Variants in CCDC68 observed in about 807,000 individuals in gnomAD.
CCDC68 encodes coiled-coil domain-containing protein 68.
In CCDC68, 45 loss-of-function variants were observed where a neutral mutation model predicts 47.1. The ratio of observed to expected loss-of-function variants is 0.96; its 90% CI spans 0.75 to 1.23. The LOEUF (loss-of-function observed/expected upper bound fraction) is 1.23. Among genes scored for constraint, CCDC68 ranks in the 50% most tolerant of loss-of-function variants. The probability of loss-of-function intolerance (pLI) is 0.00; values close to 1 mark genes in which losing one functional copy is unlikely to be tolerated. For missense variants in CCDC68, 353 were observed against 373.6 expected (o/e 0.94, Z 0.45); for synonymous variants, 131 against 129.5 (o/e 1.01, Z -0.08).
chr18:54,938,480 T>A (rs2044386280), intron 4 of CCDC68, among the ~76,000 whole-genome samples: 1 of 152,246 alleles, frequency 6.6e-6, no homozygotes, highest in Non-Finnish European at 1.5e-5. Flanking sequence ...TCAGACCTAA[T>A]AGTTACAATA....
Position 54,904,336 on chromosome 18 carries a change from A to G in CCDC68, c.*22T>C, listed in dbSNP as rs1298684470. On this transcript the variant is annotated 3_prime_UTR_variant, in exon 12 of 12. Coordinates refer to ENST00000591504, the MANE Select transcript of CCDC68 (RefSeq NM_025214.3). ...AATAAGACTCACGCAGTCTTTCTAA[A>G]TCAGATCTTCATCCAGCCAGTTCAT... The G allele has an allele frequency of 6.3e-7, 1 of 1,595,152 alleles. No individual in the cohort carries two copies. Among genetic ancestry groups the G allele is most frequent in the Non-Finnish European group, 8.6e-7 (1 of 1,163,012 alleles).
chr18:54,934,968 T>G lies in CCDC68; in HGVS notation c.472-20A>C, dbSNP rs1016388389. 10 of 1,551,234 alleles carry G rather than the reference T, an allele frequency of 6.4e-6. No individual in the cohort carries two copies. The highest frequency in any genetic ancestry group is 7.8e-6 in the Non-Finnish European group (9 of 1,155,760). On this transcript the variant is annotated intron_variant, in intron 6 of 11. Coordinates refer to ENST00000591504, the MANE Select transcript of CCDC68 (RefSeq NM_025214.3). The stretch of plus-strand genomic sequence containing the variant: ...GTTAACCTATGGTCAGAGAATCAGT[T>G]GTGTTGTGAAAACTCTGTTTTTCTT...
chr18:54,929,183 T>C (rs1376867979), intron 7 of CCDC68, among the ~76,000 whole-genome samples: 1 of 152,198 alleles, frequency 6.6e-6, no homozygotes, highest in African/African-American at 2.4e-5. Context: ...CTCCCCATCC[T>C]ACCACATGTA....
chr18:54,905,665 A>G (rs929238598), intron 11 of CCDC68, among the ~76,000 whole-genome samples: 2 of 152,074 alleles, frequency 1.3e-5, no homozygotes, highest in African/African-American at 2.4e-5. Context: ...CAAGCAACCA[A>G]TGGGCCATAT....
Position 54,946,876 on chromosome 18 carries a change from C to T in CCDC68, c.-102-1399G>A, listed in dbSNP as rs918855136. 3.3e-5 allele frequency among the ~76,000 whole-genome samples: 5 copies of T among 151,764 alleles called. No individual in the cohort carries two copies. In the East Asian group the frequency reaches 7.7e-4, roughly 23 times the overall value. On this transcript the variant is annotated intron_variant, in intron 1 of 11. Transcript: ENST00000591504. ...CTGCTAGCAGAAGGCACTCACTGGA[C>T]AGTCACTGTCAATAGTGTTGCCCTG... is the stretch of plus-strand genomic sequence containing the variant.
At position 54,940,918 on chromosome 18, in the gene CCDC68, A is replaced by C. The variant is rs1019554433; in HGVS notation, c.204+79T>G. ...TTCAACACTCATCCTTCGAATCTTCAAAGAAGTTAGTAATTGCCCAAAAAT... is the reference window on the plus strand; with the variant it reads ...TTCAACACTCATCCTTCGAATCTTCCAAGAAGTTAGTAATTGCCCAAAAAT... On this transcript the variant is annotated intron_variant, in intron 4 of 11. Transcript: ENST00000591504. The C allele has an allele frequency of 4.2e-6, 4 of 958,904 alleles. No homozygotes were observed. The African/African-American group carries it at 6.5e-5, about 16-fold the overall frequency. The allele number at this position is 958,904 out of a possible 1,614,324, so 59.4% of individuals were successfully genotyped here. A position where few individuals can be genotyped will look rare whatever the true frequency, so the allele number is the denominator to read the frequency against.
At chr18:54,924,192 C>A (rs1022709365) in intron 8 of CCDC68, among the ~76,000 whole-genome samples, 12 of 151,968 alleles carry the variant, frequency 7.9e-5, no homozygotes, top group African/African-American at 2.9e-4. Flanking sequence ...GAAATTAAAG[C>A]AGAATTGAAA....
intron 10 of CCDC68, among the ~76,000 whole-genome samples, chr18:54,910,609 G>A (rs906941704): frequency 7.9e-5 from 12 of 152,222 alleles, no homozygotes; most frequent in South Asian, 2.1e-4. Context: ...TTCTGCCCAG[G>A]AGCCTGTCTG....
At position 54,937,915 on chromosome 18, in the gene CCDC68, G is replaced by T. The variant is rs111233458; in HGVS notation, c.345+42C>A. On this transcript the variant is annotated intron_variant, in intron 5 of 11. Transcript: ENST00000591504. ...TGCTAACAACCCATTCTATTAGCTCGAAGGCTCAAAACACAAAATTTGAAA... is the reference window on the plus strand; with the variant it reads ...TGCTAACAACCCATTCTATTAGCTCTAAGGCTCAAAACACAAAATTTGAAA... 8.3e-4 allele frequency: 1,304 copies of T among 1,577,264 alleles called. 10 individuals carry two copies. The African/African-American group carries it at 0.015, about 18-fold the overall frequency.
At chr18:54,919,412 G>T (rs763629121) in intron 8 of CCDC68, 36 bp from the exon 9 acceptor site, 3 of 1,480,464 alleles carry the variant, frequency 2.0e-6, no homozygotes, top group East Asian at 4.5e-5. Context: ...AAGAGAAAAT[G>T]ATTGGCTCAC....
chr18:54,924,730 C>A (rs1599049112), intron 8 of CCDC68, among the ~76,000 whole-genome samples: 1 of 152,200 alleles, frequency 6.6e-6, no homozygotes, highest in South Asian at 2.1e-4. Flanking sequence ...CCCTCAATTT[C>A]TCTACTCCCC....
intron 7 of CCDC68, among the ~76,000 whole-genome samples, chr18:54,930,256 A>G (rs559759668): frequency 1.3e-4 from 20 of 152,288 alleles, no homozygotes; most frequent in Non-Finnish European, 2.1e-4. Flanking sequence ...TTAATGAGTT[A>G]GTTACAACAT....
intron 10 of CCDC68, among the ~76,000 whole-genome samples, chr18:54,911,211 C>T (rs1380632491): frequency 8.3e-6 from 1 of 121,018 alleles, no homozygotes; most frequent in Admixed American, 9.1e-5. Flanking sequence ...CCACAGCTGG[C>T]CATTTTTGTA....
chr18:54,917,878 C>T (rs1360982811), intron 10 of CCDC68, 35 bp downstream of exon 10: 2 of 1,226,766 alleles, frequency 1.6e-6, no homozygotes. Flanking sequence ...CACTCACACC[C>T]TCACAACAAA....
At chr18:54,937,093 G>T in intron 5 of CCDC68, 135 bp from the exon 6 acceptor site, 1 of 755,492 alleles carries the variant, frequency 1.3e-6, no homozygotes, top group Non-Finnish European at 2.1e-6. Flanking sequence ...GGATACGAGA[G>T]AAGACACTGT....
At chr18:54,952,138 T>C (rs1255905838) in intron 1 of CCDC68, among the ~76,000 whole-genome samples, 1 of 152,238 alleles carries the variant, frequency 6.6e-6, no homozygotes, top group African/African-American at 2.4e-5. Flanking sequence ...TATTCTTTCC[T>C]TAACCCATCA....
chr18:54,934,730 T>G (rs1266830871), intron 7 of CCDC68, 90 bp downstream of exon 7: 2 of 913,746 alleles, frequency 2.2e-6, no homozygotes, highest in African/African-American at 3.5e-5. Flanking sequence ...TCTTATTTAA[T>G]TTAATATCCT....
intron 10 of CCDC68, among the ~76,000 whole-genome samples, chr18:54,912,857 G>A (rs1314027080): frequency 7.9e-5 from 12 of 152,134 alleles, no homozygotes; most frequent in Admixed American, 7.9e-4. Flanking sequence ...CCAAGCGAAA[G>A]GGGTTTCCCC....
At position 54,919,255 on chromosome 18, in the gene CCDC68, A is replaced by ATTTT; in HGVS notation, c.789+15_789+16insAAAA. ...AACATACTGTCTACCAGATAAATAC[A>ATTTT]CTTGATTAATCTGACCTCCTGGATG... On this transcript the variant is annotated intron_variant, in intron 9 of 11. Transcript: ENST00000591504. The ATTTT allele has an allele frequency of 6.3e-7, 1 of 1,595,084 alleles. No homozygotes were observed. Among genetic ancestry groups the ATTTT allele is most frequent in the Non-Finnish European group, 8.6e-7 (1 of 1,162,664 alleles).
Sources: gnomAD v4.1 joint callset for allele counts (sites outside exome capture counted in the v4.1 genomes callset) on GRCh38, gnomAD v4.1.1 for gene constraint, MANE v1.5 for transcripts, NCBI Gene and HGNC (gene_info 2026-07-23, HGNC 2026-07-21) for gene names.